Variants in KIAA0319L observed in about 807,000 individuals in gnomAD.
The protein encoded by KIAA0319L is dyslexia-associated protein KIAA0319-like protein.
KIAA0319L carries 55 observed loss-of-function variants against 120.1 expected under a neutral mutation model. The ratio of observed to expected loss-of-function variants is 0.46; its 90% CI spans 0.37 to 0.57. KIAA0319L has a LOEUF of 0.57. Ranked by LOEUF, KIAA0319L falls within the 20% of genes least tolerant of loss-of-function variation. The pLI, the probability that KIAA0319L is intolerant of heterozygous loss-of-function variation, is 0.00. For missense variants in KIAA0319L, 1,049 were observed against 1,255.3 expected (o/e 0.84, Z 2.48); for synonymous variants, 398 against 471.9 (o/e 0.84, Z 2.03).
chr1:35,528,365 CTT>C (rs753387076), intron 2 of KIAA0319L, among the ~76,000 whole-genome samples: 4 of 152,164 alleles, frequency 2.6e-5, no homozygotes, highest in African/African-American at 7.2e-5. Context: ...AAATTTATCT[CTT>C]CTTTTTTCAT....
intron 3 of KIAA0319L, among the ~76,000 whole-genome samples, chr1:35,486,754 A>AAAAAAAAC (rs1438554182): frequency 4.6e-5 from 7 of 151,176 alleles, no homozygotes; most frequent in African/African-American, 1.7e-4. Flanking sequence ...AAAAAAAAAA[A>AAAAAAAAC]ATTATAATTA....
At position 35,453,572 on chromosome 1, in the gene KIAA0319L, A is replaced by T; in HGVS notation, c.1898T>A (p.Leu633His). Reference sequence around the variant, plus strand: ...CAATACTCACTGTGTTTTTTCCCAGAGATATGAGATAATTTTCTGATCATC... The same window carrying T: ...CAATACTCACTGTGTTTTTTCCCAGTGATATGAGATAATTTTCTGATCATC... The part of the protein sequence containing the change: ...SSDDQKIISY[L>H]WEKTQGPDGV... Residue 633 changes from leucine (L) to histidine (H), a missense_variant, in exon 12 of 21, where the codon CTC becomes CAC. By Grantham distance (99) the Leu-to-His change is moderately conservative. Transcript: ENST00000325722. The surrounding 1 kb of genome is among the most constrained non-coding windows in gnomAD (Gnocchi z 4.1). 6.2e-7 allele frequency: 1 copy of T among 1,614,020 alleles called. No homozygotes were observed. The highest frequency in any genetic ancestry group is 8.5e-7 in the Non-Finnish European group (1 of 1,179,954).
In KIAA0319L at chr1:35,487,815, G is replaced by C. The variant is rs1438938874; in HGVS notation, c.667-8603C>G. ...CCTTGTGTAGATTCTGTCTTTCAAAGACAGAACTCTAATCTCTGCCTCCCT... is the reference window on the plus strand; with the variant it reads ...CCTTGTGTAGATTCTGTCTTTCAAACACAGAACTCTAATCTCTGCCTCCCT... On this transcript the variant is annotated intron_variant, in intron 3 of 20. Transcript: ENST00000325722. Among the ~76,000 whole-genome samples the C allele has an allele frequency of 3.3e-5, 5 of 152,000 alleles. 1 individual carries two copies. The highest frequency in any genetic ancestry group is 1.2e-4 in the African/African-American group (5 of 41,366).
chr1:35,552,072 T>C (rs1647245897), intron 2 of KIAA0319L, among the ~76,000 whole-genome samples: 3 of 151,010 alleles, frequency 2.0e-5, no homozygotes, highest in South Asian at 4.2e-4. Flanking sequence ...CCACCAGGCA[T>C]GGTGGCTCAC....
chr1:35,500,707 T>C (rs1644973866), intron 3 of KIAA0319L, among the ~76,000 whole-genome samples: 1 of 152,182 alleles, frequency 6.6e-6, no homozygotes, highest in African/African-American at 2.4e-5. Flanking sequence ...CATCCCTAAT[T>C]AGAATGAGAT....
intron 3 of KIAA0319L, among the ~76,000 whole-genome samples, chr1:35,499,033 T>C (rs1384208843): frequency 6.6e-6 from 1 of 152,194 alleles, no homozygotes; most frequent in Non-Finnish European, 1.5e-5. Flanking sequence ...GCAGGGTTTA[T>C]CTTTATAGAA....
At position 35,506,382 on chromosome 1, in the gene KIAA0319L, T is replaced by C. The variant is rs1311934107; in HGVS notation, c.666+230A>G. 1.3e-5 allele frequency among the ~76,000 whole-genome samples: 2 copies of C among 152,192 alleles called. No homozygotes were observed. Among genetic ancestry groups the C allele is most frequent in the Admixed American group, 1.3e-4 (2 of 15,282 alleles). On this transcript the variant is annotated intron_variant, in intron 3 of 20. Coordinates refer to ENST00000325722, the MANE Select transcript of KIAA0319L (RefSeq NM_024874.5). The surrounding 1 kb of genome is among the most constrained non-coding windows in gnomAD (Gnocchi z 4.0). The stretch of plus-strand genomic sequence containing the variant: ...CAGCTTAGACTAGATAATGAGCAGC[T>C]TTCTGCATTTACCAAAACAATGGTC...
chr1:35,448,129 G>T, intron 16 of KIAA0319L, 44 bp downstream of exon 16: 3 of 1,525,516 alleles, frequency 2.0e-6, no homozygotes, highest in East Asian at 2.3e-5. Context: ...AAGCCCGGGG[G>T]CCCCTGGTCT....
At chr1:35,521,620 A>G (rs1464129446) in intron 2 of KIAA0319L, among the ~76,000 whole-genome samples, 1 of 134,914 alleles carries the variant, frequency 7.4e-6, no homozygotes, top group Non-Finnish European at 1.6e-5. Flanking sequence ...GGTGACGGAG[A>G]GAGACTCCGT....
Position 35,453,534 on chromosome 1 carries a change from A to G in KIAA0319L, c.1913+23T>C. 6.2e-7 allele frequency: 1 copy of G among 1,613,056 alleles called. No homozygotes were observed. The highest frequency in any genetic ancestry group is 1.1e-5 in the South Asian group (1 of 91,010). On this transcript the variant is annotated intron_variant, in intron 12 of 20. Transcript: ENST00000325722. This position sits in a 1 kb window ranked among gnomAD's most constrained non-coding sequence, Gnocchi z 4.1. ...CAAGGTCTGGAGGCTTTGCAAAAAT[A>G]AGGATTTTGTGTCAATACTCACTGT...
intron 20 of KIAA0319L, 64 bp from the exon 21 acceptor site, chr1:35,435,145 C>G (rs978707110): frequency 7.5e-5 from 109 of 1,456,604 alleles, no homozygotes; most frequent in Non-Finnish European, 8.6e-5. Flanking sequence ...CACCCCCACA[C>G]CTTACCCCAG....
intron 2 of KIAA0319L, among the ~76,000 whole-genome samples, chr1:35,529,878 A>G (rs1306911836): frequency 6.6e-6 from 1 of 151,462 alleles, no homozygotes; most frequent in African/African-American, 2.4e-5. Context: ...TAAAGCTATT[A>G]TTTTGTTTAA....
chr1:35,476,792 C>T (rs1643908590), intron 4 of KIAA0319L, among the ~76,000 whole-genome samples: 1 of 152,180 alleles, frequency 6.6e-6, no homozygotes, highest in Non-Finnish European at 1.5e-5. Context: ...TACCAAAGGA[C>T]ACCCTGAAAA....
chr1:35,522,845 A>C (rs1458497313), intron 2 of KIAA0319L, among the ~76,000 whole-genome samples: 3 of 151,172 alleles, frequency 2.0e-5, no homozygotes, highest in Non-Finnish European at 4.4e-5. Flanking sequence ...GGGAAACCCC[A>C]TCTCTCCTGA....
intron 2 of KIAA0319L, among the ~76,000 whole-genome samples, chr1:35,508,193 A>G (rs1645278751): frequency 6.6e-6 from 1 of 152,232 alleles, no homozygotes; most frequent in African/African-American, 2.4e-5. Flanking sequence ...GTTGGCTCAC[A>G]GGACCTTCAT....
chr1:35,557,645 G>T (rs947045894), upstream of KIAA0319L: 38 of 456,650 alleles, frequency 8.3e-5, no homozygotes, highest in South Asian at 5.9e-4. Flanking sequence ...CCCCAGACTC[G>T]GGCAATACCC....
chr1:35,475,052 A>C (rs1643859155), intron 4 of KIAA0319L, 146 bp from the exon 5 acceptor site: 1 of 559,288 alleles, frequency 1.8e-6, no homozygotes, highest in Non-Finnish European at 3.1e-6. Context: ...TAATTGCTTG[A>C]AATTTGATTC....
chr1:35,526,926 G>T (rs1422171886), intron 2 of KIAA0319L, among the ~76,000 whole-genome samples: 2 of 152,042 alleles, frequency 1.3e-5, no homozygotes, highest in African/African-American at 2.4e-5. Flanking sequence ...AAAATTTAAA[G>T]AATTATTCAG....
Position 35,456,046 on chromosome 1 carries a change from G to A in KIAA0319L, c.1623C>T (p.Ser541=), listed in dbSNP as rs776673768. The A allele has an allele frequency of 4.3e-6, 7 of 1,613,800 alleles. No individual in the cohort carries two copies. Among genetic ancestry groups the A allele is most frequent in the Non-Finnish European group, 5.1e-6 (6 of 1,179,812 alleles). The change falls in exon 10 of 21, where the codon AGC becomes AGT. Residue 541 remains serine (S), a synonymous_variant. Transcript: ENST00000325722. ...HGITSYEWSL[S]PSSKGKVVEM... The stretch of plus-strand genomic sequence containing the variant: ...CCACCACTTTCCCTTTGCTGCTTGG[G>A]CTGAGTGACCACTCATAGCTGGTGA...
Sources: gnomAD v4.1 joint callset for allele counts (sites outside exome capture counted in the v4.1 genomes callset) on GRCh38, gnomAD v4.1.1 for gene constraint, Gnocchi (gnomAD v3.1) non-coding constraint, MANE v1.5 for transcripts, NCBI Gene and HGNC (gene_info 2026-07-23, HGNC 2026-07-21) for gene names.